The following NTNG1 variants were observed in gnomAD, a reference collection of about 807,000 sequenced individuals.
NTNG1 encodes netrin-G1.
In NTNG1, 16 loss-of-function variants were observed where a neutral mutation model predicts 54.0. The ratio of observed to expected loss-of-function variants is 0.30; its 90% CI spans 0.20 to 0.45. NTNG1 has a LOEUF of 0.45. Ranked by LOEUF, NTNG1 falls within the 20% of genes least tolerant of loss-of-function variation. The pLI, the probability that NTNG1 is intolerant of heterozygous loss-of-function variation, is 1.00. For synonymous variants in NTNG1, 255 were observed against 263.1 expected, an observed-to-expected ratio of 0.97 and a Z score of 0.30; for missense variants, 530 against 678.7, an observed-to-expected ratio of 0.78 and a Z score of 2.43.
intron 4 of NTNG1, among the ~76,000 whole-genome samples, chr1:107,398,501 T>C (rs1156587515): frequency 6.6e-6 from 1 of 152,114 alleles, no homozygotes; most frequent in African/African-American, 2.4e-5. Flanking sequence ...GTATGAAACA[T>C]GTAGAGCTAA....
chr1:107,212,245 A>C (rs1197908968), intron 2 of NTNG1, among the ~76,000 whole-genome samples: 1 of 152,128 alleles, frequency 6.6e-6, no homozygotes, highest in Non-Finnish European at 1.5e-5. Context: ...ATTTTTATCA[A>C]ATGAAAATGT....
intron 2 of NTNG1, among the ~76,000 whole-genome samples, chr1:107,208,261 T>C (rs973163216): frequency 6.6e-6 from 1 of 151,540 alleles, no homozygotes; most frequent in Non-Finnish European, 1.5e-5. Context: ...GAAACCCCCG[T>C]CTCTACTAAA....
chr1:107,196,742 A>G (rs563057715), intron 2 of NTNG1, among the ~76,000 whole-genome samples: 1 of 152,136 alleles, frequency 6.6e-6, no homozygotes, highest in Non-Finnish European at 1.5e-5. Context: ...TTGGGTAGAA[A>G]AGAAGAGTTC....
At chr1:107,307,695 G>C (rs1666770881) in intron 2 of NTNG1, among the ~76,000 whole-genome samples, 1 of 152,160 alleles carries the variant, frequency 6.6e-6, no homozygotes, top group Non-Finnish European at 1.5e-5. Flanking sequence ...TCTTTGTCCA[G>C]TGCTAATGCT....
chr1:107,365,908 A>G (rs947991706), intron 3 of NTNG1, among the ~76,000 whole-genome samples: 2 of 152,248 alleles, frequency 1.3e-5, no homozygotes, highest in Admixed American at 6.5e-5. Flanking sequence ...CTCCAGCAGC[A>G]GTAAACAATT....
At chr1:107,436,897 C>A in intron 7 of NTNG1, 98 bp downstream of exon 7, 1 of 1,126,240 alleles carries the variant, frequency 8.9e-7, no homozygotes, top group Non-Finnish European at 1.3e-6. Flanking sequence ...GAAAAAGATC[C>A]AAACCGCTGA....
intron 3 of NTNG1, among the ~76,000 whole-genome samples, chr1:107,361,372 T>TATAC (rs1553232656): frequency 1.3e-4 from 8 of 63,768 alleles, no homozygotes; most frequent in Non-Finnish European, 1.5e-4. Flanking sequence ...TATATATATA[T>TATAC]ACATATATAT....
In NTNG1 at chr1:107,389,842, TC is replaced by T. The variant is rs1163596321; in HGVS notation, c.888-5310del. Among the ~76,000 whole-genome samples, 5 of 152,276 alleles carry T rather than the reference TC, an allele frequency of 3.3e-5. No homozygotes were observed. In the East Asian group the frequency reaches 9.7e-4, roughly 29 times the overall value. The stretch of plus-strand genomic sequence containing the variant: ...GCAGAGCCTTTTCGGTCTCCACTTG[TC>T]CAGTCCTCCCCTGCCTAAAGCGACA... On this transcript the variant is annotated intron_variant, in intron 3 of 7. Coordinates refer to ENST00000370068, the MANE Select transcript of NTNG1 (RefSeq NM_001113226.3).
At chr1:107,234,435 T>C (rs1661271422) in intron 2 of NTNG1, among the ~76,000 whole-genome samples, 1 of 152,236 alleles carries the variant, frequency 6.6e-6, no homozygotes, top group Admixed American at 6.5e-5. Flanking sequence ...TTTTCAGTTT[T>C]TTTTTCGGAA....
Position 107,278,580 on chromosome 1 carries a change from CT to C in NTNG1, c.247-45698del, listed in dbSNP as rs1221352074. 3.9e-5 allele frequency among the ~76,000 whole-genome samples: 6 copies of C among 152,228 alleles called. No homozygotes were observed. The East Asian group carries it at 1.2e-3, about 29-fold the overall frequency. On this transcript the variant is annotated intron_variant, in intron 2 of 7. Coordinates refer to ENST00000370068, the MANE Select transcript of NTNG1 (RefSeq NM_001113226.3). ...GAATTTCACTGCCTAGAGGCAGTCTCTTTTAGGCTTTTCTGTTTTTGTTCTT... is the reference window on the plus strand; with the variant it reads ...GAATTTCACTGCCTAGAGGCAGTCTCTTTAGGCTTTTCTGTTTTTGTTCTT...
chr1:107,256,656 T>C (rs1265076682), intron 2 of NTNG1, among the ~76,000 whole-genome samples: 2 of 152,196 alleles, frequency 1.3e-5, no homozygotes. Flanking sequence ...TTGCAGGCAG[T>C]TGCAGAGAGA....
chr1:107,372,098 C>T (rs562313243), intron 3 of NTNG1, among the ~76,000 whole-genome samples: 2 of 151,988 alleles, frequency 1.3e-5, no homozygotes, highest in Non-Finnish European at 2.9e-5. Flanking sequence ...AGAGATTCAA[C>T]TTAATTTATC....
At chr1:107,378,653 A>T (rs1671452814) in intron 3 of NTNG1, among the ~76,000 whole-genome samples, 1 of 152,176 alleles carries the variant, frequency 6.6e-6, no homozygotes. Flanking sequence ...AATGTCGAGG[A>T]AGGAGAAAAG....
chr1:107,400,279 G>GTC (rs1462838674), intron 4 of NTNG1, among the ~76,000 whole-genome samples: 1 of 151,946 alleles, frequency 6.6e-6, no homozygotes, highest in East Asian at 1.9e-4. Context: ...AATTACTTCT[G>GTC]TCTCTCTCTC....
chr1:107,396,354 G>C (rs745882009), intron 4 of NTNG1, among the ~76,000 whole-genome samples: 16 of 152,070 alleles, frequency 1.1e-4, no homozygotes, highest in Non-Finnish European at 1.8e-4. Flanking sequence ...AAACGTAAGA[G>C]TAATGGACCA....
intron 2 of NTNG1, among the ~76,000 whole-genome samples, chr1:107,213,105 C>G (rs750721474): frequency 3.6e-4 from 54 of 151,372 alleles, no homozygotes; most frequent in Non-Finnish European, 7.5e-4. Context: ...TGTTAAATTT[C>G]TCATTTTGTC....
chr1:107,335,480 A>T lies in NTNG1; in HGVS notation c.887+10558A>T, dbSNP rs117561973. Reference sequence around the variant, plus strand: ...TGTATCTGCTGAAACTTTTATGAACATATGTCTTTATGAAAATAATTGAAG... The same window carrying T: ...TGTATCTGCTGAAACTTTTATGAACTTATGTCTTTATGAAAATAATTGAAG... On this transcript the variant is annotated intron_variant, in intron 3 of 7. Coordinates refer to ENST00000370068, the MANE Select transcript of NTNG1 (RefSeq NM_001113226.3). Among the ~76,000 whole-genome samples the T allele has an allele frequency of 1.8e-4, 28 of 152,108 alleles. No homozygotes were observed. The East Asian group carries it at 4.5e-3, about 24-fold the overall frequency.
chr1:107,474,921 A>G (rs35549581), intron 7 of NTNG1, among the ~76,000 whole-genome samples: 42,023 of 152,148 alleles, frequency 0.28, 7,307 homozygotes, highest in Non-Finnish European at 0.36. Context: ...CACGTTCTGT[A>G]CATAGCAGTC....
In NTNG1 at chr1:107,483,079, C is replaced by A. The variant is rs1183626561; in HGVS notation, c.*2239C>A. On this transcript the variant is annotated 3_prime_UTR_variant, in exon 8 of 8. Coordinates refer to ENST00000370068, the MANE Select transcript of NTNG1 (RefSeq NM_001113226.3). ...AAGAAACACATGAAAATGCTGATAA[C>A]ATAGGGAGTTTGAGATTATTTATAA... The A allele has an allele frequency of 6.6e-6, 1 of 152,118 alleles. No individual in the cohort carries two copies. The highest frequency in any genetic ancestry group is 1.5e-5 in the Non-Finnish European group (1 of 68,016). The allele number at this position is 152,118 out of a possible 1,614,324, so 9.4% of individuals were successfully genotyped here.
Sources: gnomAD v4.1 joint callset for allele counts (sites outside exome capture counted in the v4.1 genomes callset) on GRCh38, gnomAD v4.1.1 for gene constraint, MANE v1.5 for transcripts, NCBI Gene and HGNC (gene_info 2026-07-23, HGNC 2026-07-21) for gene names.